The following KCNMA1 variants were observed in gnomAD, a reference collection of about 807,000 sequenced individuals.
The protein encoded by KCNMA1 is Calcium-activated potassium channel subunit alpha-1.
Under a neutral mutation model 140.0 loss-of-function variants are expected in KCNMA1, and 29 were observed. That is an observed-to-expected ratio of 0.21 (90% CI 0.15 to 0.28). KCNMA1 has a LOEUF of 0.28. KCNMA1 is among the 10% of genes least tolerant of loss of function. The pLI, the probability that KCNMA1 is intolerant of heterozygous loss-of-function variation, is 1.00. For missense variants in KCNMA1, 880 were observed against 1,602.2 expected (o/e 0.55, Z 7.70); for synonymous variants, 612 against 611.9 (o/e 1.00, Z 0.00).
intron 14 of KCNMA1, among the ~76,000 whole-genome samples, chr10:77,041,786 C>T (rs559483293): frequency 8.3e-4 from 127 of 152,268 alleles, no homozygotes; most frequent in African/African-American, 2.9e-3. Context: ...GGAAGCCACC[C>T]CGCCAACAGG....
At chr10:77,567,625 T>G (rs1382824039) in intron 1 of KCNMA1, among the ~76,000 whole-genome samples, 3 of 152,158 alleles carry the variant, frequency 2.0e-5, no homozygotes, top group Non-Finnish European at 4.4e-5. Context: ...ACTATCTAAT[T>G]GAACCTTGGG....
intron 19 of KCNMA1, among the ~76,000 whole-genome samples, chr10:76,996,660 G>A (rs895415569): frequency 6.6e-6 from 1 of 152,086 alleles, no homozygotes; most frequent in African/African-American, 2.4e-5. Context: ...TGGGAAGATG[G>A]GAGAAAATGG....
chr10:77,513,689 C>A (rs1188175804), intron 1 of KCNMA1, among the ~76,000 whole-genome samples: 1 of 152,198 alleles, frequency 6.6e-6, no homozygotes, highest in Non-Finnish European at 1.5e-5. Flanking sequence ...ACCAAGCAAC[C>A]AATTTTGTTA....
intron 2 of KCNMA1, among the ~76,000 whole-genome samples, chr10:77,393,995 A>G (rs1213111093): frequency 6.6e-6 from 1 of 151,486 alleles, no homozygotes; most frequent in African/African-American, 2.4e-5. Context: ...AGTTCTGTAT[A>G]CTAGGGAACA....
At chr10:77,039,340 G>A in intron 15 of KCNMA1, 188 bp downstream of exon 15, 1 of 635,210 alleles carries the variant, frequency 1.6e-6, no homozygotes, top group South Asian at 1.8e-5. Context: ...TGGGGCCAGT[G>A]GAAATTCCCC....
intron 5 of KCNMA1, among the ~76,000 whole-genome samples, chr10:77,139,082 C>G (rs1397138317): frequency 6.6e-6 from 1 of 152,202 alleles, no homozygotes; most frequent in African/African-American, 2.4e-5. Context: ...TCTTCTAGAA[C>G]AGTGATGACT....
chr10:76,949,872 G>A (rs73282584), intron 21 of KCNMA1, among the ~76,000 whole-genome samples: 1,624 of 152,256 alleles, frequency 0.011, 29 homozygotes, highest in African/African-American at 0.037. Context: ...TGAGATGTCC[G>A]TGCATCAGCA....
At chr10:77,382,203 G>A (rs894222908) in intron 2 of KCNMA1, among the ~76,000 whole-genome samples, 1 of 152,042 alleles carries the variant, frequency 6.6e-6, no homozygotes, top group Non-Finnish European at 1.5e-5. Context: ...GCTGTGGTGA[G>A]CATGTGAAGG....
intron 3 of KCNMA1, among the ~76,000 whole-genome samples, chr10:77,236,782 T>C (rs1361804194): frequency 6.6e-6 from 1 of 152,252 alleles, no homozygotes. Flanking sequence ...TATTTCCATC[T>C]TGGGCTGATC....
chr10:77,070,794 G>A (rs890343496), intron 14 of KCNMA1, among the ~76,000 whole-genome samples: 1 of 152,144 alleles, frequency 6.6e-6, no homozygotes, highest in Non-Finnish European at 1.5e-5. Flanking sequence ...TAAAGGAGAC[G>A]AAGATCTGGG....
At chr10:77,426,991 A>ATCCTT (rs1412535470) in intron 1 of KCNMA1, among the ~76,000 whole-genome samples, 3 of 152,230 alleles carry the variant, frequency 2.0e-5, no homozygotes, top group Non-Finnish European at 2.9e-5. Context: ...GTACTTTGAT[A>ATCCTT]TCCTGTATTT....
chr10:77,162,306 T>C (rs1454629795), intron 5 of KCNMA1, among the ~76,000 whole-genome samples: 2 of 152,238 alleles, frequency 1.3e-5, no homozygotes, highest in Non-Finnish European at 2.9e-5. Flanking sequence ...CCGTTTGCCT[T>C]GGAATTCCCA....
intron 1 of KCNMA1, among the ~76,000 whole-genome samples, chr10:77,475,128 C>T (rs1319444536): frequency 6.6e-6 from 1 of 152,184 alleles, no homozygotes; most frequent in African/African-American, 2.4e-5. Flanking sequence ...TGTCCCCCTC[C>T]CGGGCATCTG....
At chr10:77,197,175 T>C (rs1289139471) in intron 3 of KCNMA1, among the ~76,000 whole-genome samples, 1 of 152,366 alleles carries the variant, frequency 6.6e-6, no homozygotes, top group East Asian at 1.9e-4. Context: ...ATAGTTTTAC[T>C]AAACACTATG....
At chr10:77,134,011 C>T (rs1255794973) in intron 5 of KCNMA1, among the ~76,000 whole-genome samples, 1 of 151,950 alleles carries the variant, frequency 6.6e-6, no homozygotes, top group African/African-American at 2.4e-5. Flanking sequence ...ATAAAGAGGT[C>T]ATCACAAATC....
intron 2 of KCNMA1, among the ~76,000 whole-genome samples, chr10:77,267,150 T>C (rs1339994017): frequency 6.6e-6 from 1 of 152,132 alleles, no homozygotes; most frequent in African/African-American, 2.4e-5. Flanking sequence ...ACCCAGTGCA[T>C]CTAAAGCTCC....
chr10:76,967,182 C>G (rs1000460122), intron 20 of KCNMA1, among the ~76,000 whole-genome samples: 1 of 152,192 alleles, frequency 6.6e-6, no homozygotes, highest in Non-Finnish European at 1.5e-5. Context: ...CTATTCCTGT[C>G]ACTGCCCATA....
intron 1 of KCNMA1, among the ~76,000 whole-genome samples, chr10:77,583,354 C>T (rs543359391): frequency 6.6e-6 from 1 of 152,308 alleles, no homozygotes; most frequent in East Asian, 1.9e-4. Context: ...TGCTGGAATC[C>T]AGGTCCTGAC....
chr10:77,200,910 G>T (rs2042245058), intron 3 of KCNMA1, among the ~76,000 whole-genome samples: 1 of 152,120 alleles, frequency 6.6e-6, no homozygotes, highest in Non-Finnish European at 1.5e-5. Flanking sequence ...TAAAGAACTT[G>T]GTTAGTCATA....
Sources: allele counts gnomAD v4.1 joint callset (sites outside exome capture counted in the v4.1 genomes callset), GRCh38; gene constraint gnomAD v4.1.1; transcripts MANE v1.5; gene names NCBI Gene and HGNC (gene_info 2026-07-23, HGNC 2026-07-21).